The following SYNPR variants were observed in gnomAD, a reference collection of about 807,000 sequenced individuals.
The protein encoded by SYNPR is synaptoporin.
A neutral mutation model predicts 32.9 loss-of-function variants in SYNPR; 23 were observed. The observed-to-expected ratio is 0.70, with a 90% CI of 0.50 to 0.99. SYNPR has a LOEUF of 0.99. Among genes scored for constraint, SYNPR ranks in the 50% least tolerant of loss-of-function variants. The pLI, the probability that SYNPR is intolerant of heterozygous loss-of-function variation, is 0.00. For synonymous variants in SYNPR, 146 were observed against 135.9 expected (o/e 1.07, Z -0.52); for missense variants, 318 against 349.3 (o/e 0.91, Z 0.71).
At chr3:63,318,886 G>C (rs551948439) in intron 2 of SYNPR, among the ~76,000 whole-genome samples, 5 of 152,020 alleles carry the variant, frequency 3.3e-5, no homozygotes, top group Non-Finnish European at 5.9e-5. Flanking sequence ...ATTTGGGTAG[G>C]CTCTGTCAGA....
chr3:63,544,286 G>A (rs537145772), intron 3 of SYNPR, among the ~76,000 whole-genome samples: 61 of 152,066 alleles, frequency 4.0e-4, no homozygotes, highest in African/African-American at 1.3e-3. Context: ...TGATAAATAC[G>A]TTCAACAAAC....
intron 4 of SYNPR, among the ~76,000 whole-genome samples, chr3:63,562,930 T>G (rs1702716612): frequency 6.6e-6 from 1 of 152,108 alleles, no homozygotes; most frequent in Admixed American, 6.5e-5. Flanking sequence ...ATCACATGAG[T>G]GCAGTAAGGA....
chr3:63,269,806 G>C (rs547062823), intron 3 of SYNPR, among the ~76,000 whole-genome samples: 3 of 152,272 alleles, frequency 2.0e-5, no homozygotes, highest in Admixed American at 1.3e-4. Flanking sequence ...CAGACACTGA[G>C]CTTAGCAACT....
intron 2 of SYNPR, among the ~76,000 whole-genome samples, chr3:63,466,716 T>C (rs1700688816): frequency 7.4e-6 from 1 of 134,280 alleles, no homozygotes; most frequent in Admixed American, 7.0e-5. Flanking sequence ...CTGAAGGTGC[T>C]AAGGCCTCTT....
At chr3:63,463,165 G>A (rs1575657525) in intron 2 of SYNPR, among the ~76,000 whole-genome samples, 1 of 152,038 alleles carries the variant, frequency 6.6e-6, no homozygotes, top group East Asian at 1.9e-4. Flanking sequence ...ACAGTCGAGG[G>A]AAAAAGGTAC....
intron 2 of SYNPR, among the ~76,000 whole-genome samples, chr3:63,304,222 C>T (rs1452710730): frequency 1.3e-5 from 2 of 151,858 alleles, no homozygotes; most frequent in Non-Finnish European, 2.9e-5. Flanking sequence ...AGTGGGTTCT[C>T]TTATAGGGAA....
At chr3:63,245,706 AGAGAGTGTGT>A (rs1271368716) in intron 1 of SYNPR, among the ~76,000 whole-genome samples, 1,307 of 56,114 alleles carry the variant, frequency 0.023, 4 homozygotes, top group Middle Eastern at 0.033. Context: ...AGAGAGAGAG[AGAGAGTGTGT>A]GTGTGTGTGT....
At chr3:63,381,082 G>A (rs6774196) in intron 2 of SYNPR, among the ~76,000 whole-genome samples, 2,424 of 152,212 alleles carry the variant, frequency 0.016, 66 homozygotes, top group African/African-American at 0.055. Context: ...GAAATAAAGG[G>A]TATTCAATTA....
chr3:63,445,524 A>T, intron 2 of SYNPR: 3 of 697,432 alleles, frequency 4.3e-6, no homozygotes, highest in Non-Finnish European at 5.2e-6. Context: ...TTTCATAATC[A>T]GCTCCTCTCT....
rs903813239 is a variant in SYNPR at position 63,576,512 on chromosome 3, C to T, written c.408+19771C>T. Among the ~76,000 whole-genome samples, 5 of 152,092 alleles carry T rather than the reference C, an allele frequency of 3.3e-5. 1 individual carries two copies. Among genetic ancestry groups the T allele is most frequent in the Non-Finnish European group, 7.4e-5 (5 of 68,006 alleles). ...TGCATAGAAAACACGTTATCTGGGG[C>T]TGGGCGCGGTGACTCACACCTGTAA... On this transcript the variant is annotated intron_variant, in intron 4 of 5. Transcript: ENST00000478300.
chr3:63,227,643 T>TA (rs2086138732), upstream of SYNPR, among the ~76,000 whole-genome samples: 1 of 152,224 alleles, frequency 6.6e-6, no homozygotes, highest in South Asian at 2.1e-4. Context: ...TCCTCATTGT[T>TA]ATGAAATAAC....
intron 2 of SYNPR, among the ~76,000 whole-genome samples, chr3:63,461,221 G>A (rs1240208737): frequency 6.6e-6 from 1 of 152,066 alleles, no homozygotes; most frequent in Non-Finnish European, 1.5e-5. Flanking sequence ...AAATGGGTTT[G>A]TTGATTCATT....
At chr3:63,253,362 C>T (rs941377120) in intron 2 of SYNPR, among the ~76,000 whole-genome samples, 4 of 152,122 alleles carry the variant, frequency 2.6e-5, no homozygotes, top group African/African-American at 9.7e-5. Flanking sequence ...TCCTCCAAAA[C>T]AAACTCTTGA....
chr3:63,441,553 C>T (rs1700173188), intron 2 of SYNPR, among the ~76,000 whole-genome samples: 1 of 152,102 alleles, frequency 6.6e-6, no homozygotes, highest in Admixed American at 6.5e-5. Context: ...TTACTGAGTG[C>T]TCACTTAAAT....
chr3:63,341,542 C>T (rs1478558089), intron 2 of SYNPR, among the ~76,000 whole-genome samples: 2 of 152,176 alleles, frequency 1.3e-5, no homozygotes, highest in Non-Finnish European at 2.9e-5. Context: ...TGGATTTTAA[C>T]CACTCTAATA....
At chr3:63,347,038 A>C (rs1042216748) in intron 2 of SYNPR, among the ~76,000 whole-genome samples, 5 of 152,220 alleles carry the variant, frequency 3.3e-5, no homozygotes, top group African/African-American at 1.2e-4. Flanking sequence ...CATCTGCAGA[A>C]TAAAAATAAT....
At chr3:63,238,075 G>C (rs1279659664) in intron 1 of SYNPR, among the ~76,000 whole-genome samples, 1 of 152,092 alleles carries the variant, frequency 6.6e-6, no homozygotes, top group Non-Finnish European at 1.5e-5. Flanking sequence ...TCAGGGGTTG[G>C]GATATGATGT....
At chr3:63,579,813 AC>A (rs1703058313) in intron 4 of SYNPR, among the ~76,000 whole-genome samples, 1 of 146,794 alleles carries the variant, frequency 6.8e-6, no homozygotes, top group African/African-American at 2.7e-5. Flanking sequence ...ACACACACAC[AC>A]ACACACACAC....
chr3:63,488,863 G>T (rs1701204400), intron 3 of SYNPR, among the ~76,000 whole-genome samples: 1 of 145,738 alleles, frequency 6.9e-6, no homozygotes, highest in Admixed American at 6.8e-5. Flanking sequence ...ATGGCTGCTG[G>T]CATGAAAAGG....
Sources: gnomAD v4.1 joint callset for allele counts (sites outside exome capture counted in the v4.1 genomes callset) on GRCh38, gnomAD v4.1.1 for gene constraint, MANE v1.5 for transcripts, NCBI Gene and HGNC (gene_info 2026-07-23, HGNC 2026-07-21) for gene names.